The following USO1 variants were observed in gnomAD, a reference collection of about 807,000 sequenced individuals.
USO1 encodes the protein USO1 vesicle transport factor.
USO1 carries 57 observed loss-of-function variants against 124.5 expected under a neutral mutation model. That is an observed-to-expected ratio of 0.46 (90% CI 0.37 to 0.57). USO1 has a LOEUF of 0.57. USO1 is among the 20% of genes least tolerant of loss of function. The pLI, the probability that USO1 is intolerant of heterozygous loss-of-function variation, is 0.00. For missense variants in USO1, 900 were observed against 1,040.6 expected (o/e 0.86, Z 1.86); for synonymous variants, 369 against 362.8 (o/e 1.02, Z -0.19).
chr4:75,731,893 T>C (rs1301880717), intron 1 of USO1, among the ~76,000 whole-genome samples: 1 of 152,250 alleles, frequency 6.6e-6, no homozygotes, highest in Non-Finnish European at 1.5e-5. Context: ...GCAAGCTGTA[T>C]TACACTAGTG....
intron 13 of USO1, chr4:75,795,363 A>G (rs760264247): frequency 1.4e-6 from 1 of 702,266 alleles, no homozygotes; most frequent in South Asian, 1.5e-5. Context: ...ACGGGTATGT[A>G]TCACTTGATT....
chr4:75,743,013 C>G (rs1328722599), intron 1 of USO1, among the ~76,000 whole-genome samples: 2 of 145,334 alleles, frequency 1.4e-5, no homozygotes, highest in Non-Finnish European at 3.0e-5. Flanking sequence ...GAGACAGAGT[C>G]TCGCTCAGTT....
intron 1 of USO1, among the ~76,000 whole-genome samples, chr4:75,726,630 G>T (rs866028908): frequency 6.6e-6 from 1 of 151,764 alleles, no homozygotes; most frequent in Non-Finnish European, 1.5e-5. Context: ...GATGAAAGCC[G>T]GTAAATCTGT....
At chr4:75,745,323 T>A (rs999609896) in intron 1 of USO1, 2 of 519,790 alleles carry the variant, frequency 3.8e-6, no homozygotes, top group Admixed American at 1.9e-5. Flanking sequence ...CTGGGCAGTT[T>A]AGTCAAAGGC....
intron 1 of USO1, among the ~76,000 whole-genome samples, chr4:75,749,157 T>C (rs1216525416): frequency 6.6e-6 from 1 of 152,098 alleles, no homozygotes; most frequent in African/African-American, 2.4e-5. Context: ...TTGTAAAGAC[T>C]CCTAGAAATC....
chr4:75,781,187 C>G (rs1450146736), intron 8 of USO1, among the ~76,000 whole-genome samples: 1 of 151,974 alleles, frequency 6.6e-6, no homozygotes, highest in Non-Finnish European at 1.5e-5. Context: ...GGGTTCAAGA[C>G]TTTAGTGGAG....
rs570622086 is a variant in USO1 at position 75,777,834 on chromosome 4, G to T, written c.676+3038G>T. 3.3e-5 allele frequency among the ~76,000 whole-genome samples: 5 copies of T among 152,246 alleles called. No individual in the cohort carries two copies. The South Asian group carries it at 1.0e-3, about 32-fold the overall frequency. The stretch of plus-strand genomic sequence containing the variant: ...TATGACTCAACAATCACGCTCTTTG[G>T]TATTTACCCAAATTAGTTTAAGACA... On this transcript the variant is annotated intron_variant, in intron 8 of 23. Coordinates refer to ENST00000514213, the MANE Select transcript of USO1 (RefSeq NM_003715.4).
Position 75,770,826 on chromosome 4 carries a change from T to G in USO1, c.401T>G (p.Phe134Cys). 1 of 1,607,282 alleles carries G rather than the reference T, an allele frequency of 6.2e-7. No homozygotes were observed. Among genetic ancestry groups the G allele is most frequent in the Non-Finnish European group, 8.5e-7 (1 of 1,178,268 alleles). The change falls in exon 6 of 24, where the codon TTT (phenylalanine) becomes TGT (cysteine). Residue 134 changes from phenylalanine (F) to cysteine (C), a missense_variant. Coordinates refer to ENST00000514213, the MANE Select transcript of USO1 (RefSeq NM_003715.4). ...TTTTGAATTCTTACATTGCAGGAGT[T>G]TGATTTCCATGTCCGCTGGCCTGGT... ...VTLLLSLLEE[F>C]DFHVRWPGVK...
intron 13 of USO1, chr4:75,795,366 A>G (rs1722649048): frequency 2.8e-6 from 2 of 701,982 alleles, no homozygotes; most frequent in Non-Finnish European, 5.2e-6. Context: ...GGTATGTATC[A>G]CTTGATTAAG....
At chr4:75,758,870 T>G (rs1560443061) in intron 4 of USO1, among the ~76,000 whole-genome samples, 1 of 152,220 alleles carries the variant, frequency 6.6e-6, no homozygotes, top group African/African-American at 2.4e-5. Flanking sequence ...ATAGATACAA[T>G]ACACACAAGA....
intron 1 of USO1, among the ~76,000 whole-genome samples, chr4:75,730,859 G>A (rs1214928314): frequency 6.6e-6 from 1 of 151,764 alleles, no homozygotes; most frequent in East Asian, 1.9e-4. Flanking sequence ...ATGTTGCCCA[G>A]GCTGGTCTTG....
chr4:75,804,346 T>C (rs1722935039), intron 18 of USO1, 74 bp downstream of exon 18: 88 of 1,496,898 alleles, frequency 5.9e-5, no homozygotes, highest in Non-Finnish European at 7.5e-5. Context: ...AAGTAAAAGA[T>C]TCTTTCTGTG....
At chr4:75,753,799 T>G (rs1368950432) in intron 3 of USO1, among the ~76,000 whole-genome samples, 8 of 150,738 alleles carry the variant, frequency 5.3e-5, no homozygotes, top group Non-Finnish European at 8.9e-5. Context: ...TTTTTTTTTT[T>G]TTGAGATTAA....
At chr4:75,788,610 T>G (rs1722439526) in intron 10 of USO1, among the ~76,000 whole-genome samples, 1 of 151,214 alleles carries the variant, frequency 6.6e-6, no homozygotes, top group South Asian at 2.1e-4. Flanking sequence ...TGGCATGATC[T>G]CGGCTCACTG....
intron 8 of USO1, among the ~76,000 whole-genome samples, chr4:75,775,352 A>T (rs1722044358): frequency 6.6e-6 from 1 of 152,182 alleles, no homozygotes; most frequent in Non-Finnish European, 1.5e-5. Context: ...CAGTCGGGCC[A>T]ACATGGCAAA....
chr4:75,745,469 A>G (rs1377359238), intron 1 of USO1: 3 of 423,228 alleles, frequency 7.1e-6, no homozygotes, highest in Non-Finnish European at 1.4e-5. Flanking sequence ...ATATTTCTCT[A>G]CATAGGAGAA....
chr4:75,810,071 G>A (rs1490854668), intron 21 of USO1, among the ~76,000 whole-genome samples: 2 of 152,176 alleles, frequency 1.3e-5, no homozygotes, highest in Non-Finnish European at 2.9e-5. Flanking sequence ...CCTATCTAGG[G>A]TGGTAGTATG....
intron 1 of USO1, among the ~76,000 whole-genome samples, chr4:75,743,110 G>A (rs1003052290): frequency 5.3e-5 from 8 of 150,636 alleles, no homozygotes; most frequent in African/African-American, 1.2e-4. Flanking sequence ...TCAGCCTCCC[G>A]AGTGGCTGGG....
At chr4:75,760,112 T>C (rs994714474) in intron 4 of USO1, among the ~76,000 whole-genome samples, 2 of 151,974 alleles carry the variant, frequency 1.3e-5, no homozygotes, top group African/African-American at 4.8e-5. Context: ...CTCAGGAGGC[T>C]GAGGCAGTAG....
Sources: allele counts gnomAD v4.1 joint callset (sites outside exome capture counted in the v4.1 genomes callset), GRCh38; gene constraint gnomAD v4.1.1; transcripts MANE v1.5; gene names NCBI Gene and HGNC (gene_info 2026-07-23, HGNC 2026-07-21).